C12orf42: variants seen among roughly 807,000 people sequenced by gnomAD.
C12orf42 encodes the protein uncharacterized protein C12orf42.
C12orf42 carries 25 observed loss-of-function variants against 21.6 expected under a neutral mutation model. The ratio of observed to expected loss-of-function variants is 1.16; its 90% CI spans 0.84 to 1.62. C12orf42 has a LOEUF of 1.62. Ranked by LOEUF, C12orf42 falls within the 40% of genes most tolerant of loss-of-function variation. The pLI, the probability that C12orf42 is intolerant of heterozygous loss-of-function variation, is 0.00. For synonymous variants in C12orf42, 174 were observed against 175.0 expected (o/e 0.99, Z 0.05); for missense variants, 483 against 459.3 (o/e 1.05, Z -0.47).
At chr12:103,434,592 G>A (rs1240701920) in intron 2 of C12orf42, among the ~76,000 whole-genome samples, 1 of 152,214 alleles carries the variant, frequency 6.6e-6, no homozygotes, top group African/African-American at 2.4e-5. Flanking sequence ...CACCTGGGAA[G>A]CACAAGGGGT....
At chr12:103,185,255 C>T in the C12orf42 span, among the ~76,000 whole-genome samples, 1 of 152,160 alleles carries the variant, frequency 6.6e-6, no homozygotes, top group African/African-American at 2.4e-5. Flanking sequence ...AAATTCCTGA[C>T]ATTTCTGGAC....
At chr12:103,549,923 C>T in the C12orf42 span, among the ~76,000 whole-genome samples, 2,281 of 152,230 alleles carry the variant, frequency 0.015, 54 homozygotes, top group African/African-American at 0.051. Context: ...CTGCTGACAG[C>T]CTGTTTTACT....
At chr12:103,362,625 C>T (rs1205229607) in intron 4 of C12orf42, among the ~76,000 whole-genome samples, 1 of 151,670 alleles carries the variant, frequency 6.6e-6, no homozygotes, top group Non-Finnish European at 1.5e-5. Context: ...GGGAGAAATC[C>T]TCAGTGAAAT....
intron 2 of C12orf42, among the ~76,000 whole-genome samples, chr12:103,405,726 G>A (rs372331122): frequency 1.7e-4 from 26 of 152,134 alleles, no homozygotes; most frequent in African/African-American, 5.3e-4. Context: ...AGACTGGAAC[G>A]GAAACCAGGA....
chr12:103,296,825 T>C lies in C12orf42; in HGVS notation n.338-19615A>G, dbSNP rs141180373. 7.9e-3 allele frequency among the ~76,000 whole-genome samples: 1,196 copies of C among 152,316 alleles called. 14 individuals are homozygous for C. The highest frequency in any genetic ancestry group is 0.021 in the African/African-American group (861 of 41,568). On this transcript the variant is annotated intron_variant and non_coding_transcript_variant, in intron 4 of 6. Coordinates refer to the C12orf42 transcript ENST00000546526. ...TCTGTAGGTTGCCTGTTAACTCTGA[T>C]GGTAGTTTCTTTTGCTGTGCAGAAG...
At chr12:103,460,124 T>C (rs1952589748) in intron 2 of C12orf42, among the ~76,000 whole-genome samples, 1 of 152,138 alleles carries the variant, frequency 6.6e-6, no homozygotes, top group Admixed American at 6.5e-5. Flanking sequence ...AAAAGCTCAG[T>C]GATTTTACAC....
At chr12:103,257,151 T>C (rs980090651) in intron 10 of C12orf42, among the ~76,000 whole-genome samples, 14 of 152,126 alleles carry the variant, frequency 9.2e-5, no homozygotes, top group African/African-American at 3.4e-4. Flanking sequence ...AACTACATGA[T>C]GAGAACACAT....
intron 4 of C12orf42, among the ~76,000 whole-genome samples, chr12:103,360,839 C>T (rs1343265454): frequency 1.3e-5 from 2 of 152,100 alleles, no homozygotes; most frequent in East Asian, 3.9e-4. Context: ...GGGGGAATCA[C>T]TAATGCTCAT....
At chr12:103,558,409 C>T in the C12orf42 span, 1 of 152,244 alleles carries the variant, frequency 6.6e-6, no homozygotes, top group African/African-American at 2.4e-5. Flanking sequence ...TTAATGTCCT[C>T]TCTGTTCCCA....
chr12:103,130,663 G>T, the C12orf42 span, among the ~76,000 whole-genome samples: 2 of 152,090 alleles, frequency 1.3e-5, no homozygotes, highest in Non-Finnish European at 2.9e-5. Context: ...GTGAAGCTTG[G>T]TGCAGGCTCA....
At chr12:103,352,763 C>T (rs1007184393) in intron 4 of C12orf42, among the ~76,000 whole-genome samples, 1 of 152,110 alleles carries the variant, frequency 6.6e-6, no homozygotes, top group African/African-American at 2.4e-5. Flanking sequence ...TCAATGCAAC[C>T]ACTTATTTTA....
At chr12:103,159,001 GA>G in the C12orf42 span, among the ~76,000 whole-genome samples, 45,039 of 151,504 alleles carry the variant, frequency 0.3, 7,078 homozygotes, top group East Asian at 0.4. Flanking sequence ...TCTGTTAAGA[GA>G]AAAAAAAATT....
intron 5 of C12orf42, among the ~76,000 whole-genome samples, chr12:103,303,322 A>G (rs889472977): frequency 1.3e-5 from 2 of 151,852 alleles, no homozygotes; most frequent in African/African-American, 2.4e-5. Flanking sequence ...TATATAATAT[A>G]TTGCATATAT....
intron 1 of C12orf42, among the ~76,000 whole-genome samples, chr12:103,483,337 C>G (rs931435897): frequency 3.9e-5 from 6 of 151,902 alleles, no homozygotes. Context: ...TGTGTCTACT[C>G]TACTCTCAAT....
intron 4 of C12orf42, among the ~76,000 whole-genome samples, chr12:103,354,775 C>T (rs567521687): frequency 2.0e-5 from 3 of 152,114 alleles, no homozygotes; most frequent in African/African-American, 7.2e-5. Context: ...CTAGGCTGGT[C>T]TCAAATTCCT....
chr12:103,560,019 A>C, the C12orf42 span, among the ~76,000 whole-genome samples: 1 of 152,250 alleles, frequency 6.6e-6, no homozygotes, highest in Non-Finnish European at 1.5e-5. Flanking sequence ...TGAAGTTTTT[A>C]GATAATTTCC....
At chr12:103,240,301 G>A (rs1418277919) in intron 10 of C12orf42, among the ~76,000 whole-genome samples, 1 of 152,120 alleles carries the variant, frequency 6.6e-6, no homozygotes, top group African/African-American at 2.4e-5. Flanking sequence ...GCCAGAAGTA[G>A]ATAAGACGAT....
the C12orf42 span, among the ~76,000 whole-genome samples, chr12:103,231,137 T>C: frequency 6.6e-6 from 1 of 152,346 alleles, no homozygotes; most frequent in Admixed American, 6.5e-5. Context: ...ATATAATGTT[T>C]TCGATGGACC....
chr12:103,164,768 G>A, the C12orf42 span: 2 of 451,392 alleles, frequency 4.4e-6, no homozygotes, highest in Admixed American at 2.4e-5. Flanking sequence ...ACAAGAGTAG[G>A]CTTTGATTCT....
Sources: allele counts gnomAD v4.1 joint callset (sites outside exome capture counted in the v4.1 genomes callset), GRCh38; gene constraint gnomAD v4.1.1; transcripts MANE v1.5; gene names NCBI Gene and HGNC (gene_info 2026-07-23, HGNC 2026-07-21).